The following SLCO3A1 variants were observed in gnomAD, a reference collection of about 807,000 sequenced individuals.
SLCO3A1 encodes the protein solute carrier organic anion transporter family member 3A1.
In SLCO3A1, 27 loss-of-function variants were observed where a neutral mutation model predicts 63.1. The ratio of observed to expected loss-of-function variants is 0.43; its 90% CI spans 0.32 to 0.59. The LOEUF (loss-of-function observed/expected upper bound fraction) is 0.59. Among genes scored for constraint, SLCO3A1 ranks in the 20% least tolerant of loss-of-function variants. The probability of loss-of-function intolerance (pLI) is 0.09; values close to 1 mark genes in which losing one functional copy is unlikely to be tolerated. For synonymous variants in SLCO3A1, 473 were observed against 409.9 expected (o/e 1.15, Z -1.86); for missense variants, 773 against 945.8 (o/e 0.82, Z 2.40).
intron 7 of SLCO3A1, among the ~76,000 whole-genome samples, chr15:92,142,769 T>G (rs1005630): frequency 1.3e-5 from 2 of 152,110 alleles, no homozygotes; most frequent in Non-Finnish European, 2.9e-5. Flanking sequence ...GATAAAGATG[T>G]CTCATTTTAT....
At chr15:92,108,504 G>C (rs1268216563) in intron 4 of SLCO3A1, among the ~76,000 whole-genome samples, 1 of 152,200 alleles carries the variant, frequency 6.6e-6, no homozygotes, top group East Asian at 1.9e-4. Context: ...TTGCTTTTGA[G>C]AGGCTACACC....
chr15:91,853,997 A>G lies in SLCO3A1; in HGVS notation c.89A>G (p.Lys30Arg). The G allele has an allele frequency of 6.5e-7, 1 of 1,542,328 alleles. No individual in the cohort carries two copies. Among genetic ancestry groups the G allele is most frequent in the Non-Finnish European group, 8.7e-7 (1 of 1,143,870 alleles). ...GDEAQRNKKKKKKVSCFSNIK... is the reference protein window; with the variant it reads ...GDEAQRNKKKRKKVSCFSNIK... ...GAGGCGCAGAGGAACAAGAAAAAGA[A>G]AAAGAAGGTGTCCTGCTTTTCCAAC... The change falls in exon 1 of 10, where the codon AAA becomes AGA. Residue 30 changes from lysine (K) to arginine (R), a missense_variant. Physicochemically the swap from Lys to Arg is conservative, Grantham distance 26. Transcript: ENST00000318445.
chr15:92,091,119 A>C (rs559956099), intron 2 of SLCO3A1, among the ~76,000 whole-genome samples: 3 of 152,174 alleles, frequency 2.0e-5, no homozygotes, highest in South Asian at 2.1e-4. Flanking sequence ...GTGCTGAACC[A>C]CTCTAAGATT....
chr15:92,052,739 G>A (rs1454429295), intron 2 of SLCO3A1, among the ~76,000 whole-genome samples: 1 of 152,120 alleles, frequency 6.6e-6, no homozygotes, highest in Non-Finnish European at 1.5e-5. Flanking sequence ...TTGAAATGTG[G>A]CCAGTCCACA....
At chr15:91,990,635 G>C (rs2046114410) in intron 2 of SLCO3A1, among the ~76,000 whole-genome samples, 1 of 146,694 alleles carries the variant, frequency 6.8e-6, no homozygotes, top group Non-Finnish European at 1.5e-5. Flanking sequence ...TTTCCACTTA[G>C]ATGTTCAGCC....
chr15:91,934,238 T>C (rs765928230), intron 2 of SLCO3A1, among the ~76,000 whole-genome samples: 3 of 152,092 alleles, frequency 2.0e-5, no homozygotes, highest in Non-Finnish European at 4.4e-5. Context: ...GAATACTGAA[T>C]TGGGGAAGTA....
chr15:92,129,560 G>C (rs1796190771), intron 7 of SLCO3A1, among the ~76,000 whole-genome samples: 1 of 152,140 alleles, frequency 6.6e-6, no homozygotes, highest in Non-Finnish European at 1.5e-5. Flanking sequence ...TTTGCTAGAA[G>C]TGTCTGTCAT....
At chr15:92,076,128 G>A (rs56187078) in intron 2 of SLCO3A1, among the ~76,000 whole-genome samples, 394 of 152,320 alleles carry the variant, frequency 2.6e-3, no homozygotes, top group African/African-American at 9.2e-3. Context: ...GCAAGCGGCC[G>A]TGTCCCCCTT....
chr15:91,873,563 C>CACACACACACAT (rs1450416998), intron 1 of SLCO3A1, among the ~76,000 whole-genome samples: 6 of 146,324 alleles, frequency 4.1e-5, no homozygotes, highest in Non-Finnish European at 9.1e-5. Flanking sequence ...CACACACACA[C>CACACACACACAT]ACATACATAC....
intron 2 of SLCO3A1, among the ~76,000 whole-genome samples, chr15:92,066,642 C>T (rs2047155699): frequency 6.6e-6 from 1 of 152,142 alleles, no homozygotes; most frequent in African/African-American, 2.4e-5. Context: ...CCTCAGTTTC[C>T]TTATCCATGA....
intron 2 of SLCO3A1, among the ~76,000 whole-genome samples, chr15:91,986,297 G>A (rs2046052165): frequency 6.6e-6 from 1 of 152,184 alleles, no homozygotes; most frequent in Non-Finnish European, 1.5e-5. Context: ...GACAAAAGGT[G>A]GGTGTTCACC....
At chr15:91,898,282 TC>T (rs1313691972) in intron 1 of SLCO3A1, among the ~76,000 whole-genome samples, 11 of 152,250 alleles carry the variant, frequency 7.2e-5, no homozygotes, top group Non-Finnish European at 1.6e-4. Flanking sequence ...AGACAATGCC[TC>T]TATTCTAGAC....
intron 1 of SLCO3A1, among the ~76,000 whole-genome samples, chr15:91,905,789 T>C (rs1898286473): frequency 1.3e-5 from 2 of 152,204 alleles, no homozygotes; most frequent in Admixed American, 1.3e-4. Flanking sequence ...GTTTTAAAAA[T>C]TTCATATGAC....
chr15:92,073,247 T>C (rs1327968426), intron 2 of SLCO3A1, among the ~76,000 whole-genome samples: 2 of 152,200 alleles, frequency 1.3e-5, no homozygotes, highest in African/African-American at 4.8e-5. Flanking sequence ...AGTGTTGACA[T>C]AGAGTCTAAA....
intron 2 of SLCO3A1, among the ~76,000 whole-genome samples, chr15:92,029,785 A>G (rs146668245): frequency 2.0e-5 from 3 of 151,992 alleles, no homozygotes; most frequent in Non-Finnish European, 4.4e-5. Context: ...CTGGGCTCCC[A>G]GTGCAGCTGA....
At chr15:92,122,471 G>T (rs115303985) in intron 5 of SLCO3A1, among the ~76,000 whole-genome samples, 75 of 152,330 alleles carry the variant, frequency 4.9e-4, no homozygotes, top group African/African-American at 1.8e-3. Context: ...ACAATGAGGT[G>T]CTGCTAAACA....
chr15:92,119,024 C>T (rs1345810790), intron 4 of SLCO3A1, among the ~76,000 whole-genome samples: 3 of 152,168 alleles, frequency 2.0e-5, no homozygotes, highest in East Asian at 1.9e-4. Context: ...CATGAAACCA[C>T]GCATTCGATG....
chr15:91,925,480 T>G (rs572528670), intron 2 of SLCO3A1, among the ~76,000 whole-genome samples: 13 of 152,008 alleles, frequency 8.6e-5, no homozygotes, highest in East Asian at 3.9e-4. Context: ...ACCTTGTTTT[T>G]TTTTTTTTTT....
Position 92,165,034 on chromosome 15 carries a change from G to C in SLCO3A1, c.*1899G>C. ...ACCCACAAGGCAAACAAAAGAATCA[G>C]GAAGTAAAAAATGGTTGGGAGTGGG... On this transcript the variant is annotated 3_prime_UTR_variant, in exon 10 of 10. Transcript: ENST00000318445. 1 of 981,694 alleles carries C rather than the reference G, an allele frequency of 1.0e-6. No homozygotes were observed. Among genetic ancestry groups the C allele is most frequent in the Non-Finnish European group, 1.2e-6 (1 of 826,752 alleles). 60.8% of individuals were successfully genotyped at this position (981,694 alleles called of 1,614,324 possible). A position where few individuals can be genotyped will look rare whatever the true frequency, so the allele number is the denominator to read the frequency against.
Sources: allele counts gnomAD v4.1 joint callset (sites outside exome capture counted in the v4.1 genomes callset), GRCh38; gene constraint gnomAD v4.1.1; transcripts MANE v1.5; gene names NCBI Gene and HGNC (gene_info 2026-07-23, HGNC 2026-07-21).